The following NCKAP5 variants were observed in gnomAD, a reference collection of about 807,000 sequenced individuals.
The protein encoded by NCKAP5 is nck-associated protein 5.
In NCKAP5, 92 loss-of-function variants were observed where a neutral mutation model predicts 167.0. The ratio of observed to expected loss-of-function variants is 0.55; its 90% CI spans 0.47 to 0.66. The LOEUF is 0.66. Ranked by LOEUF, NCKAP5 falls within the 30% of genes least tolerant of loss-of-function variation. NCKAP5 has a pLI of 0.00. For missense variants in NCKAP5, 2,378 were observed against 2,315.0 expected, an observed-to-expected ratio of 1.03 and a Z score of -0.56; for synonymous variants, 891 against 877.4, an observed-to-expected ratio of 1.02 and a Z score of -0.27.
At chr2:133,096,062 G>A (rs918415572) in intron 6 of NCKAP5, among the ~76,000 whole-genome samples, 1 of 151,986 alleles carries the variant, frequency 6.6e-6, no homozygotes, top group Non-Finnish European at 1.5e-5. Flanking sequence ...TGTATAATAC[G>A]GTGTTATATC....
chr2:132,979,996 C>CTTTTTTTT (rs1273323851), intron 7 of NCKAP5, among the ~76,000 whole-genome samples: 2 of 134,676 alleles, frequency 1.5e-5, no homozygotes, highest in African/African-American at 2.8e-5. Context: ...TTTTCTTTTT[C>CTTTTTTTT]TTTTTTTTTT....
At chr2:133,542,801 ACTT>A (rs1686338243) in intron 2 of NCKAP5, among the ~76,000 whole-genome samples, 2 of 152,170 alleles carry the variant, frequency 1.3e-5, no homozygotes, top group Admixed American at 1.3e-4. Flanking sequence ...AAGGTCTTCT[ACTT>A]CTGGTGCAGT....
chr2:133,553,205 G>A (rs1439957315), intron 2 of NCKAP5, among the ~76,000 whole-genome samples: 1 of 152,224 alleles, frequency 6.6e-6, no homozygotes, highest in African/African-American at 2.4e-5. Flanking sequence ...ATGCTGTCCA[G>A]ACTAGAGGTG....
chr2:132,864,645 A>C (rs1413291774), intron 10 of NCKAP5, among the ~76,000 whole-genome samples: 1 of 152,232 alleles, frequency 6.6e-6, no homozygotes, highest in African/African-American at 2.4e-5. Flanking sequence ...TGTATTGAAG[A>C]GTAAAATTGT....
At chr2:133,318,947 A>T (rs1387935812) in intron 3 of NCKAP5, among the ~76,000 whole-genome samples, 1 of 152,128 alleles carries the variant, frequency 6.6e-6, no homozygotes, top group Non-Finnish European at 1.5e-5. Flanking sequence ...CATTGTTAAC[A>T]TCACCTGCAA....
At chr2:133,059,569 A>C (rs569741761) in intron 6 of NCKAP5, among the ~76,000 whole-genome samples, 4 of 151,842 alleles carry the variant, frequency 2.6e-5, no homozygotes, top group Non-Finnish European at 4.4e-5. Context: ...GCTACTCAGG[A>C]GGCTTTGGTG....
intron 4 of NCKAP5, among the ~76,000 whole-genome samples, chr2:133,224,009 T>C (rs1438338794): frequency 2.0e-5 from 3 of 152,234 alleles, no homozygotes; most frequent in Non-Finnish European, 4.4e-5. Flanking sequence ...GTGGCCTGAC[T>C]TTCTGAAGGT....
chr2:133,197,898 C>G (rs547562624), intron 5 of NCKAP5, among the ~76,000 whole-genome samples: 1 of 152,090 alleles, frequency 6.6e-6, no homozygotes, highest in Admixed American at 6.6e-5. Context: ...TGCAGTGAGC[C>G]AAGATCGTGC....
intron 4 of NCKAP5, among the ~76,000 whole-genome samples, chr2:133,281,114 A>G (rs756612923): frequency 1.3e-5 from 2 of 152,248 alleles, no homozygotes; most frequent in Non-Finnish European, 2.9e-5. Flanking sequence ...AATATCAGTG[A>G]CATTCCGTTT....
At chr2:132,839,417 G>A (rs957052185) in intron 11 of NCKAP5, among the ~76,000 whole-genome samples, 4 of 152,022 alleles carry the variant, frequency 2.6e-5, no homozygotes, top group South Asian at 2.1e-4. Flanking sequence ...TATAAGTACC[G>A]TTGACTCTTG....
chr2:133,277,534 G>C (rs775977498), intron 4 of NCKAP5, among the ~76,000 whole-genome samples: 3 of 152,078 alleles, frequency 2.0e-5, no homozygotes, highest in Non-Finnish European at 4.4e-5. Context: ...TAGAGACATT[G>C]GCTGTTCTAT....
At chr2:133,531,932 C>T (rs909530767) in intron 2 of NCKAP5, among the ~76,000 whole-genome samples, 9 of 152,194 alleles carry the variant, frequency 5.9e-5, no homozygotes, top group African/African-American at 2.2e-4. Flanking sequence ...GTTGTAGCCC[C>T]ATTCCCCTAT....
intron 5 of NCKAP5, among the ~76,000 whole-genome samples, chr2:133,184,760 A>T (rs1299513248): frequency 6.6e-6 from 1 of 151,908 alleles, no homozygotes; most frequent in African/African-American, 2.4e-5. Context: ...GCTTCCATGT[A>T]TTCTTTTGAG....
chr2:133,373,052 T>C (rs974812022), intron 3 of NCKAP5, among the ~76,000 whole-genome samples: 1 of 152,154 alleles, frequency 6.6e-6, no homozygotes, highest in Non-Finnish European at 1.5e-5. Context: ...TTGGCAAAAA[T>C]ATATGTATCT....
chr2:133,482,315 T>C (rs1680528165), intron 3 of NCKAP5, among the ~76,000 whole-genome samples: 1 of 151,860 alleles, frequency 6.6e-6, no homozygotes, highest in African/African-American at 2.4e-5. Context: ...CCTCTTGGGA[T>C]CAAGCAATTC....
At chr2:133,192,843 C>T (rs1358784488) in intron 5 of NCKAP5, among the ~76,000 whole-genome samples, 1 of 152,034 alleles carries the variant, frequency 6.6e-6, no homozygotes, top group East Asian at 1.9e-4. Flanking sequence ...GAAAGTTAAG[C>T]AGTTTCTTAA....
At chr2:133,149,466 C>G (rs1440118047) in intron 5 of NCKAP5, among the ~76,000 whole-genome samples, 1 of 136,476 alleles carries the variant, frequency 7.3e-6, no homozygotes, top group Non-Finnish European at 1.6e-5. Context: ...ACCACACAAA[C>G]AGCTCTTCTC....
intron 6 of NCKAP5, among the ~76,000 whole-genome samples, chr2:133,038,640 T>G (rs1163224708): frequency 1.3e-5 from 2 of 152,150 alleles, no homozygotes; most frequent in Admixed American, 6.6e-5. Context: ...TGTTTATAAC[T>G]CAAAGAATAA....
intron 3 of NCKAP5, among the ~76,000 whole-genome samples, chr2:133,381,107 T>A (rs1175272945): frequency 1.3e-5 from 2 of 152,148 alleles, no homozygotes; most frequent in African/African-American, 4.8e-5. Context: ...CAATTACTTG[T>A]TTTAACCATC....
Sources: gnomAD v4.1 joint callset for allele counts (sites outside exome capture counted in the v4.1 genomes callset) on GRCh38, gnomAD v4.1.1 for gene constraint, MANE v1.5 for transcripts, NCBI Gene and HGNC (gene_info 2026-07-23, HGNC 2026-07-21) for gene names.